GUSB: variants seen among roughly 807,000 people sequenced by gnomAD.
GUSB encodes the protein glucuronidase beta.
GUSB carries 51 observed loss-of-function variants against 74.6 expected under a neutral mutation model. The ratio of observed to expected loss-of-function variants is 0.68; its 90% CI spans 0.55 to 0.86. The LOEUF (loss-of-function observed/expected upper bound fraction) is 0.86, where lower values mean the gene tolerates loss of function less well. Among genes scored for constraint, GUSB ranks in the 40% least tolerant of loss-of-function variants. GUSB has a pLI of 0.00. For synonymous variants in GUSB, 360 were observed against 348.3 expected, an observed-to-expected ratio of 1.03 and a Z score of -0.37; for missense variants, 736 against 853.7, an observed-to-expected ratio of 0.86 and a Z score of 1.72.
intron 6 of GUSB, 24 bp downstream of exon 6, chr7:65,974,895 A>G: frequency 6.2e-7 from 1 of 1,612,308 alleles, no homozygotes; most frequent in South Asian, 1.1e-5. Context: ...CAGCCCCGAC[A>G]AGGACCCAGG....
chr7:65,978,913 C>T (rs529980214), intron 4 of GUSB, among the ~76,000 whole-genome samples: 33 of 152,246 alleles, frequency 2.2e-4, no homozygotes, highest in African/African-American at 7.7e-4. Flanking sequence ...GGACTACCGG[C>T]ACACATCACC....
intron 4 of GUSB, among the ~76,000 whole-genome samples, chr7:65,976,548 C>G (rs1198874062): frequency 6.6e-6 from 1 of 151,764 alleles, no homozygotes; most frequent in African/African-American, 2.4e-5. Context: ...TGGTCTTGAA[C>G]CCCTGACCTC....
At chr7:65,968,246 A>AC (rs1464092752) in intron 9 of GUSB, among the ~76,000 whole-genome samples, 1 of 127,576 alleles carries the variant, frequency 7.8e-6, no homozygotes, top group African/African-American at 2.6e-5. Context: ...AAAAAAAAAA[A>AC]AAAAACCTAG....
At chr7:65,967,938 A>G in intron 9 of GUSB, 31 bp from the exon 10 acceptor site, 2 of 1,579,982 alleles carry the variant, frequency 1.3e-6, no homozygotes, top group South Asian at 2.2e-5. Context: ...CCCGTTCAGC[A>G]CTCAGTAGAC....
At chr7:65,970,727 A>C (rs1791145152) in intron 8 of GUSB, among the ~76,000 whole-genome samples, 1 of 152,108 alleles carries the variant, frequency 6.6e-6, no homozygotes, top group Non-Finnish European at 1.5e-5. Flanking sequence ...GTCTCTACTA[A>C]AAATACAAAA....
Position 65,967,902 on chromosome 7 carries a change from C to A in GUSB, c.1482G>T (p.Pro494=). 1 of 1,600,142 alleles carries A rather than the reference C, an allele frequency of 6.2e-7. No individual in the cohort carries two copies. Among genetic ancestry groups the A allele is most frequent in the Non-Finnish European group, 8.5e-7 (1 of 1,179,654 alleles). ...TGTTCAAACAGATCACATCCACATA[C>A]GGAGCCTAGGACCAGAGCAGCAGAG... ...NSNYAADKGA[P]YVDVICLNSY... The change falls in exon 10 of 12, where the codon CCG becomes CCT. Residue 494 remains proline, a synonymous_variant. Coordinates refer to ENST00000304895, the MANE Select transcript of GUSB (RefSeq NM_000181.4).
rs777958630 is a variant in GUSB, at chr7:65,976,246, C to G, written c.725-44G>C. The G allele has an allele frequency of 7.0e-6, 10 of 1,424,784 alleles. No homozygotes were observed. In the South Asian group the frequency reaches 9.1e-5, roughly 13 times the overall value. The allele number at this position is 1,424,784 out of a possible 1,614,324, so 88.3% of individuals were successfully genotyped here. A position where few individuals can be genotyped will look rare whatever the true frequency, so the allele number is the denominator to read the frequency against. ...ACCAGGGCTGAGGGAGGGACACGACCTGAGTCACACAAACAGGAGCGCCCT... is the reference window on the plus strand; with the variant it reads ...ACCAGGGCTGAGGGAGGGACACGACGTGAGTCACACAAACAGGAGCGCCCT... On this transcript the variant is annotated intron_variant, in intron 4 of 11. Coordinates refer to ENST00000304895, the MANE Select transcript of GUSB (RefSeq NM_000181.4).
intron 8 of GUSB, among the ~76,000 whole-genome samples, chr7:65,973,577 C>T (rs1290124597): frequency 2.6e-5 from 4 of 151,308 alleles, no homozygotes; most frequent in African/African-American, 7.3e-5. Flanking sequence ...CGGAGTGAGA[C>T]TCCATCTCAT....
chr7:65,966,357 G>A (rs890069421), intron 10 of GUSB, among the ~76,000 whole-genome samples: 9 of 152,090 alleles, frequency 5.9e-5, no homozygotes, highest in African/African-American at 1.7e-4. Flanking sequence ...TGTCAACCAG[G>A]AGCTGTGACA....
At chr7:65,970,620 G>A (rs967858146) in intron 8 of GUSB, among the ~76,000 whole-genome samples, 10 of 151,788 alleles carry the variant, frequency 6.6e-5, no homozygotes, top group African/African-American at 2.2e-4. Flanking sequence ...GCGGCCAGGC[G>A]CAGTGGCTCA....
chr7:65,972,269 C>G (rs1348790997), intron 8 of GUSB, among the ~76,000 whole-genome samples: 1 of 152,050 alleles, frequency 6.6e-6, no homozygotes, highest in Non-Finnish European at 1.5e-5. Context: ...TCAAGCAATT[C>G]TCCTGCCTCA....
intron 3 of GUSB, 49 bp downstream of exon 3, chr7:65,979,678 G>T: frequency 6.3e-7 from 1 of 1,595,374 alleles, no homozygotes; most frequent in Non-Finnish European, 8.6e-7. Context: ...AAGACCACAG[G>T]GTGGGGCGGG....
chr7:65,979,825 G>A lies in GUSB; in HGVS notation c.483C>T (p.Pro161=). The part of the protein sequence containing the change: ...ADISNLVQVG[P]LPSRLRITIA... The stretch of plus-strand genomic sequence containing the variant: ...TAGTGATTCGGAGCCGGGAGGGCAG[G>A]GGCCCCACCTGGACCAGGTTGCTGA... Residue 161 remains proline (P), a synonymous_variant, in exon 3 of 12, where the codon CCC becomes CCT. Coordinates refer to ENST00000304895, the MANE Select transcript of GUSB (RefSeq NM_000181.4). The A allele has an allele frequency of 6.2e-7, 1 of 1,613,746 alleles. No homozygotes were observed. The highest frequency in any genetic ancestry group is 2.2e-5 in the East Asian group (1 of 44,878).
intron 1 of GUSB, among the ~76,000 whole-genome samples, chr7:65,981,050 C>T (rs541628089): frequency 2.6e-5 from 4 of 152,254 alleles, no homozygotes; most frequent in Admixed American, 6.5e-5. Flanking sequence ...CACCTTCTCC[C>T]GATCCCCGGG....
Position 65,960,799 on chromosome 7 carries a change from CT to C in GUSB, c.*97del. ...CCACAAAACCCAGGCCAGAAACGTT[CT>C]GGTCTGCCGTGAACAGTCCAGGAGG... On this transcript the variant is annotated 3_prime_UTR_variant, in exon 12 of 12. Transcript: ENST00000304895. The C allele has an allele frequency of 1.0e-6, 1 of 982,454 alleles. No individual in the cohort carries two copies. 60.9% of individuals were successfully genotyped at this position (982,454 alleles called of 1,614,324 possible).
intron 9 of GUSB, 113 bp from the exon 10 acceptor site, chr7:65,968,020 C>G: frequency 3.5e-6 from 3 of 853,614 alleles, no homozygotes; most frequent in Non-Finnish European, 5.8e-6. Flanking sequence ...AATCCCAGCA[C>G]TCTGGGAGGC....
chr7:65,969,813 G>A (rs976284870), intron 9 of GUSB, among the ~76,000 whole-genome samples: 1 of 152,222 alleles, frequency 6.6e-6, no homozygotes, highest in African/African-American at 2.4e-5. Flanking sequence ...TCAGCCAGGT[G>A]TGGGCCAGAT....
chr7:65,980,093 CCAGGG>C (rs1554312065), intron 2 of GUSB, 126 bp downstream of exon 2: 56 of 1,025,106 alleles, frequency 5.5e-5, no homozygotes, highest in Non-Finnish European at 7.8e-5. Flanking sequence ...GGCACAGCCC[CCAGGG>C]CAGGGCAGGG....
intron 9 of GUSB, among the ~76,000 whole-genome samples, chr7:65,968,867 G>A (rs539175719): frequency 6.6e-6 from 1 of 152,276 alleles, no homozygotes; most frequent in East Asian, 1.9e-4. Context: ...GATGATAGGT[G>A]TAAGCCACCA....
Sources: gnomAD v4.1 joint callset for allele counts (sites outside exome capture counted in the v4.1 genomes callset) on GRCh38, gnomAD v4.1.1 for gene constraint, MANE v1.5 for transcripts, NCBI Gene and HGNC (gene_info 2026-07-23, HGNC 2026-07-21) for gene names.